Variants in CNTN5 observed in about 807,000 individuals in gnomAD.
CNTN5 encodes the protein contactin-5.
In CNTN5, 77 loss-of-function variants were observed where a neutral mutation model predicts 129.1. The observed-to-expected ratio is 0.60, with a 90% CI of 0.50 to 0.72. The LOEUF is 0.72. Among genes scored for constraint, CNTN5 ranks in the 30% least tolerant of loss-of-function variants. The pLI, the probability that CNTN5 is intolerant of heterozygous loss-of-function variation, is 0.00. For missense variants in CNTN5, 1,478 were observed against 1,328.8 expected, an observed-to-expected ratio of 1.11 and a Z score of -1.75; for synonymous variants, 509 against 465.6, an observed-to-expected ratio of 1.09 and a Z score of -1.20.
intron 1 of CNTN5, among the ~76,000 whole-genome samples, chr11:99,187,610 G>A (rs2135582416): frequency 6.6e-6 from 1 of 151,480 alleles, no homozygotes; most frequent in Admixed American, 6.6e-5. Flanking sequence ...TTAATTTTAT[G>A]TTCTACCAAA....
intron 2 of CNTN5, among the ~76,000 whole-genome samples, chr11:99,333,303 G>A (rs1866079901): frequency 6.6e-6 from 1 of 151,838 alleles, no homozygotes; most frequent in Admixed American, 6.6e-5. Flanking sequence ...GTGACTTTTG[G>A]GGCTACACTT....
intron 6 of CNTN5, among the ~76,000 whole-genome samples, chr11:99,883,153 C>T (rs1948815568): frequency 6.6e-6 from 1 of 152,188 alleles, no homozygotes; most frequent in African/African-American, 2.4e-5. Flanking sequence ...CAAATCTTGG[C>T]TATTCCAAAC....
chr11:100,261,709 A>G (rs539934993), intron 17 of CNTN5, among the ~76,000 whole-genome samples: 7 of 152,322 alleles, frequency 4.6e-5, no homozygotes, highest in African/African-American at 1.4e-4. Context: ...AGGATTCCCT[A>G]TTTAATAAAT....
chr11:99,204,696 A>C (rs1043831816), intron 1 of CNTN5, among the ~76,000 whole-genome samples: 11 of 152,190 alleles, frequency 7.2e-5, no homozygotes, highest in South Asian at 2.1e-4. Context: ...GTTTCTATAC[A>C]ATGTTAAATG....
chr11:99,164,063 C>T (rs958859593), intron 1 of CNTN5, among the ~76,000 whole-genome samples: 11 of 152,136 alleles, frequency 7.2e-5, no homozygotes, highest in Admixed American at 7.2e-4. Context: ...CGCAGTGGCT[C>T]ATGCCTGTAA....
intron 2 of CNTN5, among the ~76,000 whole-genome samples, chr11:99,388,914 A>G (rs1458903830): frequency 1.3e-5 from 2 of 152,230 alleles, no homozygotes; most frequent in African/African-American, 4.8e-5. Flanking sequence ...AACACAGACC[A>G]GATTGCCTAG....
chr11:100,211,077 T>C (rs185753790), intron 15 of CNTN5, among the ~76,000 whole-genome samples: 2 of 152,290 alleles, frequency 1.3e-5, no homozygotes, highest in East Asian at 1.9e-4. Flanking sequence ...CAGAGACCAG[T>C]TGTAAAATGT....
intron 2 of CNTN5, among the ~76,000 whole-genome samples, chr11:99,517,542 C>T (rs1380600895): frequency 6.6e-6 from 1 of 152,158 alleles, no homozygotes; most frequent in African/African-American, 2.4e-5. Flanking sequence ...CTCTCCTAGA[C>T]TTCTCAGCCA....
intron 6 of CNTN5, among the ~76,000 whole-genome samples, chr11:99,864,612 T>G (rs1412719697): frequency 1.3e-5 from 2 of 152,220 alleles, no homozygotes; most frequent in Non-Finnish European, 2.9e-5. Flanking sequence ...CTCTTTCAAC[T>G]CAGGATCTCG....
intron 7 of CNTN5, among the ~76,000 whole-genome samples, chr11:99,934,420 C>T (rs909012209): frequency 1.3e-5 from 2 of 152,074 alleles, no homozygotes; most frequent in Non-Finnish European, 2.9e-5. Flanking sequence ...TTAAAAATCT[C>T]AATTTATATT....
chr11:99,918,119 T>A (rs117401636), intron 7 of CNTN5, among the ~76,000 whole-genome samples: 1 of 152,282 alleles, frequency 6.6e-6, no homozygotes, highest in East Asian at 1.9e-4. Context: ...TCATTGATCC[T>A]ACCCTATTTT....
At chr11:99,696,849 A>G (rs1276384026) in intron 3 of CNTN5, among the ~76,000 whole-genome samples, 1 of 152,002 alleles carries the variant, frequency 6.6e-6, no homozygotes, top group Non-Finnish European at 1.5e-5. Flanking sequence ...CACACTGTGT[A>G]AGACCCAGGC....
chr11:100,085,306 G>C lies in CNTN5; in HGVS notation c.1580+11012G>C, dbSNP rs561781365. 3.9e-5 allele frequency among the ~76,000 whole-genome samples: 6 copies of C among 152,122 alleles called. 1 individual carries two copies. The South Asian group carries it at 1.2e-3, about 32-fold the overall frequency. The stretch of plus-strand genomic sequence containing the variant: ...AAAAATTCAGAGAAAACCTCTGCCT[G>C]CTGCTGCTGGTCCCCAGGTGCCTTC... On this transcript the variant is annotated intron_variant, in intron 13 of 24. Transcript: ENST00000524871.
intron 3 of CNTN5, among the ~76,000 whole-genome samples, chr11:99,771,508 G>C (rs571382014): frequency 6.6e-6 from 1 of 152,100 alleles, no homozygotes; most frequent in Admixed American, 6.6e-5. Flanking sequence ...TGAGATTAAT[G>C]AAACTGGAGG....
intron 2 of CNTN5, among the ~76,000 whole-genome samples, chr11:99,523,709 T>C (rs60321958): frequency 0.25 from 5,367 of 21,834 alleles, 221 homozygotes; most frequent in Admixed American, 0.36. Flanking sequence ...TAGAACAGAA[T>C]AGAATAGAAT....
intron 6 of CNTN5, among the ~76,000 whole-genome samples, chr11:99,903,567 T>A (rs574099845): frequency 6.6e-6 from 1 of 152,234 alleles, no homozygotes; most frequent in Non-Finnish European, 1.5e-5. Context: ...AACTGTGTCA[T>A]CTAGAGGGGC....
chr11:99,509,792 A>C (rs1039424329), intron 2 of CNTN5, among the ~76,000 whole-genome samples: 2 of 152,020 alleles, frequency 1.3e-5, no homozygotes, highest in African/African-American at 4.8e-5. Flanking sequence ...TAATACATCT[A>C]TTTATTAATG....
intron 6 of CNTN5, among the ~76,000 whole-genome samples, chr11:99,865,304 A>C (rs975050142): frequency 6.6e-6 from 1 of 152,152 alleles, no homozygotes; most frequent in Non-Finnish European, 1.5e-5. Flanking sequence ...ATTCTCAAGA[A>C]TAAAGAACAG....
chr11:99,337,692 A>G (rs1033047659), intron 2 of CNTN5, among the ~76,000 whole-genome samples: 11 of 152,290 alleles, frequency 7.2e-5, no homozygotes, highest in African/African-American at 2.2e-4. Flanking sequence ...TCTTGGGGCC[A>G]GTTTATGGCT....
Sources: allele counts gnomAD v4.1 joint callset (sites outside exome capture counted in the v4.1 genomes callset), GRCh38; gene constraint gnomAD v4.1.1; transcripts MANE v1.5; gene names NCBI Gene and HGNC (gene_info 2026-07-23, HGNC 2026-07-21).